The following ELMOD1 variants were observed in gnomAD, a reference collection of about 807,000 sequenced individuals.
ELMOD1 encodes ELMO domain containing 1, also known as ELMO domain-containing protein 1.
Under a neutral mutation model 46.7 loss-of-function variants are expected in ELMOD1, and 21 were observed. The ratio of observed to expected loss-of-function variants is 0.45; its 90% CI spans 0.32 to 0.65. The LOEUF is 0.65. Ranked by LOEUF, ELMOD1 falls within the 30% of genes least tolerant of loss-of-function variation. The pLI, the probability that ELMOD1 is intolerant of heterozygous loss-of-function variation, is 0.04. For missense variants in ELMOD1, 348 were observed against 407.8 expected (o/e 0.85, Z 1.26); for synonymous variants, 122 against 138.2 (o/e 0.88, Z 0.82).
chr11:107,602,745 T>C (rs1865622993), intron 1 of ELMOD1, among the ~76,000 whole-genome samples: 3 of 151,918 alleles, frequency 2.0e-5, no homozygotes, highest in South Asian at 4.2e-4. Flanking sequence ...TTTTCCTCCT[T>C]CTTTGCTTTG....
chr11:107,658,304 C>T (rs533794755), intron 11 of ELMOD1, among the ~76,000 whole-genome samples: 1 of 151,990 alleles, frequency 6.6e-6, no homozygotes, highest in East Asian at 1.9e-4. Context: ...GAACAATGTG[C>T]ATGTATAACT....
chr11:107,638,816 C>T (rs1866273370), intron 6 of ELMOD1, among the ~76,000 whole-genome samples: 1 of 152,180 alleles, frequency 6.6e-6, no homozygotes, highest in Admixed American at 6.5e-5. Flanking sequence ...AGAGACCGTA[C>T]AGCTCATAAA....
chr11:107,641,313 AT>A (rs1224614697), intron 6 of ELMOD1, among the ~76,000 whole-genome samples: 2 of 124,846 alleles, frequency 1.6e-5, no homozygotes, highest in East Asian at 2.2e-4. Context: ...AAGAAAAAAA[AT>A]AAGTATATAT....
chr11:107,657,497 C>T (rs1382784217), intron 11 of ELMOD1, among the ~76,000 whole-genome samples: 4 of 152,176 alleles, frequency 2.6e-5, no homozygotes, highest in Non-Finnish European at 5.9e-5. Flanking sequence ...CACTGTACTC[C>T]AGCCTGGGTG....
intron 11 of ELMOD1, among the ~76,000 whole-genome samples, chr11:107,664,491 C>CAAT (rs1488303249): frequency 6.6e-6 from 1 of 152,158 alleles, no homozygotes; most frequent in Non-Finnish European, 1.5e-5. Flanking sequence ...GTCTTATTAA[C>CAAT]AATTTCATGT....
At chr11:107,610,934 A>G (rs1865766327) in intron 1 of ELMOD1, among the ~76,000 whole-genome samples, 1 of 149,580 alleles carries the variant, frequency 6.7e-6, no homozygotes. Flanking sequence ...ACCTATCACT[A>G]TCTACAAAAA....
chr11:107,658,657 C>A (rs578116249), intron 11 of ELMOD1, among the ~76,000 whole-genome samples: 1 of 152,136 alleles, frequency 6.6e-6, no homozygotes, highest in Non-Finnish European at 1.5e-5. Context: ...GAAAAGTTGC[C>A]GGCACAGTGG....
chr11:107,633,493 C>T (rs1866176490), intron 5 of ELMOD1, among the ~76,000 whole-genome samples: 1 of 152,024 alleles, frequency 6.6e-6, no homozygotes, highest in African/African-American at 2.4e-5. Flanking sequence ...AGTGCAATGG[C>T]GCAGTCTAGG....
chr11:107,646,797 G>A (rs1866433958), intron 6 of ELMOD1, among the ~76,000 whole-genome samples: 1 of 149,648 alleles, frequency 6.7e-6, no homozygotes, highest in African/African-American at 2.5e-5. Context: ...TAATAATGCT[G>A]CTAAAAGTTT....
At chr11:107,592,191 A>G in intron 1 of ELMOD1, 2 of 385,732 alleles carry the variant, frequency 5.2e-6, no homozygotes, top group South Asian at 4.0e-5. Flanking sequence ...AACACATCTT[A>G]TGAATATTTC....
intron 1 of ELMOD1, among the ~76,000 whole-genome samples, chr11:107,616,049 G>A (rs1020745221): frequency 2.9e-5 from 4 of 139,744 alleles, no homozygotes; most frequent in African/African-American, 1.1e-4. Flanking sequence ...AGGCTGGAGT[G>A]CAGTGGTGCC....
intron 1 of ELMOD1, among the ~76,000 whole-genome samples, chr11:107,599,755 A>AAAAAAAAAAAAAAAAAAG (rs1555058610): frequency 5.0e-5 from 7 of 138,818 alleles, no homozygotes; most frequent in African/African-American, 1.8e-4. Context: ...AAAAAAAGAA[A>AAAAAAAAAAAAAAAAAAG]AAAAGAAAAG....
chr11:107,595,060 G>A (rs1865468990), intron 1 of ELMOD1, among the ~76,000 whole-genome samples: 1 of 152,092 alleles, frequency 6.6e-6, no homozygotes, highest in South Asian at 2.1e-4. Flanking sequence ...TCCATGTAGA[G>A]AACAGTTACT....
chr11:107,665,220 A>G lies in ELMOD1; in HGVS notation c.*23A>G. The stretch of plus-strand genomic sequence containing the variant: ...TAGTTGCCCACGCCGGTTTTAATGG[A>G]TACCCTGGAACACTGCCTCATTGTC... On this transcript the variant is annotated 3_prime_UTR_variant, in exon 12 of 12. Coordinates refer to ENST00000265840, the MANE Select transcript of ELMOD1 (RefSeq NM_018712.4). The G allele has an allele frequency of 1.2e-6, 2 of 1,611,192 alleles. No homozygotes were observed. The highest frequency in any genetic ancestry group is 1.7e-6 in the Non-Finnish European group (2 of 1,178,210).
intron 11 of ELMOD1, among the ~76,000 whole-genome samples, chr11:107,662,551 G>T (rs1866758918): frequency 6.6e-6 from 1 of 151,734 alleles, no homozygotes; most frequent in Non-Finnish European, 1.5e-5. Context: ...CAGAGGTTGT[G>T]GTGAGCCAAG....
chr11:107,639,898 T>G (rs910181372), intron 6 of ELMOD1, among the ~76,000 whole-genome samples: 3 of 152,224 alleles, frequency 2.0e-5, no homozygotes, highest in African/African-American at 7.2e-5. Context: ...GTTGGCTTCC[T>G]AGTGCATGAC....
chr11:107,592,393 A>G (rs757297132), intron 1 of ELMOD1: 4 of 534,532 alleles, frequency 7.5e-6, no homozygotes, highest in Non-Finnish European at 1.5e-5. Context: ...GGAGAGACCA[A>G]TTTTGGGCAG....
intron 6 of ELMOD1, among the ~76,000 whole-genome samples, chr11:107,637,157 A>G (rs373350182): frequency 1.3e-5 from 2 of 152,384 alleles, no homozygotes; most frequent in South Asian, 2.1e-4. Context: ...ATCTGTGGTT[A>G]TGATTAGATT....
At chr11:107,613,101 AG>A (rs761107801) in intron 1 of ELMOD1, among the ~76,000 whole-genome samples, 4 of 152,188 alleles carry the variant, frequency 2.6e-5, no homozygotes, top group Non-Finnish European at 5.9e-5. Context: ...TCATCATCCC[AG>A]TTCAGGTCAC....
Sources: gnomAD v4.1 joint callset for allele counts (sites outside exome capture counted in the v4.1 genomes callset) on GRCh38, gnomAD v4.1.1 for gene constraint, MANE v1.5 for transcripts, NCBI Gene and HGNC (gene_info 2026-07-23, HGNC 2026-07-21) for gene names.